SUMF1: variants seen among roughly 807,000 people sequenced by gnomAD.
The protein encoded by SUMF1 is formylglycine-generating enzyme.
In SUMF1, 48 loss-of-function variants were observed where a neutral mutation model predicts 47.6. That is an observed-to-expected ratio of 1.01 (90% CI 0.80 to 1.28). SUMF1 has a LOEUF of 1.28. SUMF1 is among the 50% of genes most tolerant of loss of function. The pLI is 0.00. For missense variants in SUMF1, 571 were observed against 485.4 expected (o/e 1.18, Z -1.66); for synonymous variants, 230 against 192.1 (o/e 1.20, Z -1.63).
chr3:4,438,581 T>C (rs924632756), intron 3 of SUMF1, among the ~76,000 whole-genome samples: 14 of 152,162 alleles, frequency 9.2e-5, no homozygotes, highest in African/African-American at 2.9e-4. Context: ...TGTTTCCTCT[T>C]AGTAATTTTT....
intron 8 of SUMF1, among the ~76,000 whole-genome samples, chr3:4,350,268 C>A (rs1189817656): frequency 6.6e-6 from 1 of 151,808 alleles, no homozygotes; most frequent in Non-Finnish European, 1.5e-5. Flanking sequence ...GTGATCTGCC[C>A]ACCTTGGCCT....
chr3:4,281,365 C>T (rs962497551), intron 8 of SUMF1, among the ~76,000 whole-genome samples: 2 of 151,964 alleles, frequency 1.3e-5, no homozygotes, highest in African/African-American at 4.8e-5. Flanking sequence ...GAGAAAAAGC[C>T]AGAGAAAAGG....
chr3:4,090,043 T>G (rs912642470), intron 8 of SUMF1, among the ~76,000 whole-genome samples: 1 of 152,142 alleles, frequency 6.6e-6, no homozygotes, highest in Admixed American at 6.5e-5. Flanking sequence ...ATGACCCTAG[T>G]GACCACATAT....
intron 8 of SUMF1, among the ~76,000 whole-genome samples, chr3:4,225,767 C>T (rs1696158963): frequency 6.6e-6 from 1 of 152,056 alleles, no homozygotes; most frequent in African/African-American, 2.4e-5. Context: ...TGCAAATACT[C>T]AAAAATGCAG....
intron 8 of SUMF1, chr3:4,316,748 G>T (rs1322027327): frequency 6.4e-7 from 1 of 1,550,748 alleles, no homozygotes; most frequent in Admixed American, 2.0e-5. Flanking sequence ...AAGCTCCAAA[G>T]CACTTCCCAA....
At chr3:4,249,846 A>C (rs1361115257) in intron 8 of SUMF1, among the ~76,000 whole-genome samples, 1 of 152,148 alleles carries the variant, frequency 6.6e-6, no homozygotes, top group Non-Finnish European at 1.5e-5. Context: ...CGAGGAAATT[A>C]AAAGTGCTCC....
rs541420554 is a variant in SUMF1 at position 4,253,330 on chromosome 3, C to A, written c.1014+123000G>T. Among the ~76,000 whole-genome samples, 32 of 152,326 alleles carry A rather than the reference C, an allele frequency of 2.1e-4. 1 individual carries two copies. The East Asian group carries it at 6.2e-3, about 29-fold the overall frequency. On this transcript the variant is annotated intron_variant and NMD_transcript_variant, in intron 8 of 12. Coordinates refer to the SUMF1 transcript ENST00000448413. ...GAGTGACGCAGAAGACAGGTGATTTCTGCATTTCCATCTGAGGTACCGGGT... is the reference window on the plus strand; with the variant it reads ...GAGTGACGCAGAAGACAGGTGATTTATGCATTTCCATCTGAGGTACCGGGT...
intron 8 of SUMF1, among the ~76,000 whole-genome samples, chr3:4,102,843 G>A (rs536149780): frequency 6.6e-6 from 1 of 151,900 alleles, no homozygotes; most frequent in Non-Finnish European, 1.5e-5. Flanking sequence ...ATAAGGAAGG[G>A]AAGAGGAAAG....
At chr3:4,353,833 G>A (rs1202508846) in intron 8 of SUMF1, among the ~76,000 whole-genome samples, 1 of 151,304 alleles carries the variant, frequency 6.6e-6, no homozygotes, top group Non-Finnish European at 1.5e-5. Context: ...CCTTCTACTT[G>A]GACATCATAT....
At chr3:4,369,997 T>A (rs1700121052) in intron 8 of SUMF1, among the ~76,000 whole-genome samples, 1 of 152,200 alleles carries the variant, frequency 6.6e-6, no homozygotes, top group Admixed American at 6.5e-5. Context: ...AGATAGCTGT[T>A]ATCAGGGAGC....
At chr3:4,431,163 T>C (rs1702220504) in intron 3 of SUMF1, among the ~76,000 whole-genome samples, 1 of 152,132 alleles carries the variant, frequency 6.6e-6, no homozygotes, top group Non-Finnish European at 1.5e-5. Flanking sequence ...CAAATAGAGA[T>C]GGGTCAATGG....
intron 9 of SUMF1, among the ~76,000 whole-genome samples, chr3:4,048,152 C>T (rs1695039645): frequency 6.6e-6 from 1 of 152,078 alleles, no homozygotes; most frequent in Admixed American, 6.6e-5. Flanking sequence ...TTTATTCAAA[C>T]CTTTTCCATT....
rs143083565 is a variant in SUMF1, at chr3:4,108,329, T to A, written c.1015-39584A>T. Among the ~76,000 whole-genome samples, 381 of 152,234 alleles carry A rather than the reference T, an allele frequency of 2.5e-3. 1 individual carries two copies. Among genetic ancestry groups the A allele is most frequent in the Admixed American group, 8.0e-3 (123 of 15,286 alleles). The stretch of plus-strand genomic sequence containing the variant: ...CTGTTCTTTTACATTTGCTGAGGAG[T>A]GCTTTACTTCCAACTAAGTGGTCAA... On this transcript the variant is annotated intron_variant and NMD_transcript_variant, in intron 8 of 12. Coordinates refer to the SUMF1 transcript ENST00000448413.
At chr3:4,187,705 T>G (rs1426459373) in intron 8 of SUMF1, among the ~76,000 whole-genome samples, 1 of 152,168 alleles carries the variant, frequency 6.6e-6, no homozygotes, top group African/African-American at 2.4e-5. Flanking sequence ...ATAGCATGTG[T>G]GTAGAGGAGT....
At chr3:4,362,289 G>C in intron 8 of SUMF1, 35 bp from the exon 9 acceptor site, 1 of 1,575,490 alleles carries the variant, frequency 6.3e-7, no homozygotes, top group South Asian at 1.1e-5. Context: ...AAGTGCTACT[G>C]GGACTCTCAG....
intron 8 of SUMF1, among the ~76,000 whole-genome samples, chr3:4,113,835 G>A (rs1392689332): frequency 6.6e-6 from 1 of 152,060 alleles, no homozygotes; most frequent in Non-Finnish European, 1.5e-5. Context: ...ATTACTGAAA[G>A]TTAATCCACA....
intron 8 of SUMF1, among the ~76,000 whole-genome samples, chr3:4,151,614 C>T (rs1234898121): frequency 3.5e-5 from 5 of 144,106 alleles, no homozygotes; most frequent in South Asian, 4.3e-4. Context: ...GCAGAGGTGT[C>T]GAAACTTTTG....
intron 8 of SUMF1, among the ~76,000 whole-genome samples, chr3:4,147,515 C>A (rs1372593413): frequency 6.6e-6 from 1 of 152,130 alleles, no homozygotes. Flanking sequence ...TTTAACTCTG[C>A]TAGCAGATGC....
chr3:4,034,916 G>A (rs1485928392), intron 9 of SUMF1, among the ~76,000 whole-genome samples: 1 of 151,770 alleles, frequency 6.6e-6, no homozygotes, highest in African/African-American at 2.4e-5. Context: ...AGATTACGGT[G>A]TAAGATTGGG....
Sources: allele counts gnomAD v4.1 joint callset (sites outside exome capture counted in the v4.1 genomes callset), GRCh38; gene constraint gnomAD v4.1.1; transcripts MANE v1.5; gene names NCBI Gene and HGNC (gene_info 2026-07-23, HGNC 2026-07-21).